The following L3MBTL4 variants were observed in gnomAD, a reference collection of about 807,000 sequenced individuals.
L3MBTL4 encodes L3MBTL histone methyl-lysine binding protein 4, also known as lethal(3)malignant brain tumor-like protein 4.
L3MBTL4 carries 70 observed loss-of-function variants against 84.5 expected under a neutral mutation model. The ratio of observed to expected loss-of-function variants is 0.83; its 90% CI spans 0.68 to 1.01. The LOEUF is 1.01. Among genes scored for constraint, L3MBTL4 ranks in the 50% least tolerant of loss-of-function variants. L3MBTL4 has a pLI of 0.00. For missense variants in L3MBTL4, 715 were observed against 754.8 expected (o/e 0.95, Z 0.62); for synonymous variants, 274 against 259.8 (o/e 1.05, Z -0.52).
At chr18:6,005,754 T>C (rs2054449112) in intron 16 of L3MBTL4, among the ~76,000 whole-genome samples, 1 of 152,210 alleles carries the variant, frequency 6.6e-6, no homozygotes, top group South Asian at 2.1e-4. Flanking sequence ...GGCATTTAGG[T>C]TGATTCCACA....
At chr18:6,311,510 G>T in intron 3 of L3MBTL4, 44 bp downstream of exon 3, 1 of 1,520,612 alleles carries the variant, frequency 6.6e-7, no homozygotes, top group Non-Finnish European at 9.1e-7. Context: ...CATTTTGGTA[G>T]CGATCACACA....
intron 1 of L3MBTL4, among the ~76,000 whole-genome samples, chr18:6,402,884 T>G (rs2055569518): frequency 6.6e-6 from 1 of 152,212 alleles, no homozygotes; most frequent in East Asian, 1.9e-4. Context: ...AATTTGCCCT[T>G]CAGCAAACCC....
chr18:6,211,443 A>G (rs1364848894), intron 12 of L3MBTL4, among the ~76,000 whole-genome samples: 1 of 152,204 alleles, frequency 6.6e-6, no homozygotes, highest in Non-Finnish European at 1.5e-5. Flanking sequence ...GAACAATATG[A>G]TCAACACGTT....
intron 13 of L3MBTL4, among the ~76,000 whole-genome samples, chr18:6,155,807 CA>C (rs1322511961): frequency 6.6e-6 from 1 of 151,996 alleles, no homozygotes; most frequent in Non-Finnish European, 1.5e-5. Context: ...GCTTAGAATG[CA>C]GAGTGAAATG....
At chr18:6,274,030 A>T (rs2048980587) in intron 4 of L3MBTL4, among the ~76,000 whole-genome samples, 1 of 152,266 alleles carries the variant, frequency 6.6e-6, no homozygotes, top group South Asian at 2.1e-4. Flanking sequence ...GGTGATTACA[A>T]TGCATGTTAA....
chr18:6,361,245 G>T (rs2053681552), intron 1 of L3MBTL4, among the ~76,000 whole-genome samples: 1 of 152,088 alleles, frequency 6.6e-6, no homozygotes, highest in South Asian at 2.1e-4. Flanking sequence ...AAAGAGCAGA[G>T]CCAAGACTCA....
In L3MBTL4 at chr18:6,303,167, C is replaced by T. The variant is rs192952697; in HGVS notation, c.73-1210G>A. Among the ~76,000 whole-genome samples, 691 of 151,906 alleles carry T rather than the reference C, an allele frequency of 4.5e-3. 8 individuals are homozygous for T. The highest frequency in any genetic ancestry group is 0.016 in the African/African-American group (644 of 41,430). ...TTGAGATGAAGTCTTGCTCTGTCAC[C>T]CAGGCTGTAGTTCAGTGGCACAATC... On this transcript the variant is annotated intron_variant, in intron 3 of 18. Coordinates refer to ENST00000317931, the MANE Select transcript of L3MBTL4 (RefSeq NM_001330559.2).
intron 10 of L3MBTL4, among the ~76,000 whole-genome samples, chr18:6,230,433 T>C (rs1391207226): frequency 1.3e-5 from 2 of 152,182 alleles, no homozygotes; most frequent in African/African-American, 4.8e-5. Flanking sequence ...GATGACTGTG[T>C]AGTATTCCAT....
At chr18:6,317,001 A>AAAATAAATAAATAAAT (rs143668018) in intron 1 of L3MBTL4, among the ~76,000 whole-genome samples, 19 of 151,098 alleles carry the variant, frequency 1.3e-4, no homozygotes, top group East Asian at 3.9e-4. Flanking sequence ...ATACTGGTAC[A>AAAATAAATAAATAAAT]AAATAAATAA....
chr18:6,253,629 T>C (rs1404275896), intron 5 of L3MBTL4, among the ~76,000 whole-genome samples: 1 of 152,252 alleles, frequency 6.6e-6, no homozygotes, highest in Non-Finnish European at 1.5e-5. Flanking sequence ...ATGGGAATGA[T>C]ATCTACCAAC....
intron 14 of L3MBTL4, among the ~76,000 whole-genome samples, chr18:6,099,966 A>G (rs1322844744): frequency 6.6e-6 from 1 of 152,150 alleles, no homozygotes; most frequent in East Asian, 1.9e-4. Context: ...CCTGGATATT[A>G]TAATCTTCTG....
chr18:6,232,018 T>A (rs1399077825), intron 10 of L3MBTL4, among the ~76,000 whole-genome samples: 1 of 152,144 alleles, frequency 6.6e-6, no homozygotes, highest in Non-Finnish European at 1.5e-5. Flanking sequence ...ATATTCCCTG[T>A]GGGTTTTCAT....
chr18:6,078,054 A>C (rs1350945064), intron 16 of L3MBTL4, among the ~76,000 whole-genome samples: 1 of 151,074 alleles, frequency 6.6e-6, no homozygotes, highest in African/African-American at 2.4e-5. Context: ...ATAAATAAAT[A>C]ATAAATAAAA....
intron 1 of L3MBTL4, among the ~76,000 whole-genome samples, chr18:6,388,448 C>G (rs2054912972): frequency 6.6e-6 from 1 of 152,132 alleles, no homozygotes; most frequent in African/African-American, 2.4e-5. Flanking sequence ...CATCATCACA[C>G]CATAAAATAT....
chr18:6,284,494 C>A (rs544983154), intron 4 of L3MBTL4, among the ~76,000 whole-genome samples: 87 of 152,328 alleles, frequency 5.7e-4, no homozygotes, highest in Non-Finnish European at 9.6e-4. Flanking sequence ...CTCAGCTCAG[C>A]CGGGCGAGGC....
At chr18:6,261,043 T>C (rs2048377202) in intron 5 of L3MBTL4, 1 of 152,236 alleles carries the variant, frequency 6.6e-6, no homozygotes, top group African/African-American at 2.4e-5. Flanking sequence ...GAATAATTGG[T>C]GAGCTTAATT....
intron 1 of L3MBTL4, chr18:6,326,598 T>C (rs1017191746): frequency 6.6e-6 from 1 of 152,056 alleles, no homozygotes; most frequent in Non-Finnish European, 1.5e-5. Flanking sequence ...ATAATTCCCA[T>C]AAAGGAAAGC....
intron 16 of L3MBTL4, among the ~76,000 whole-genome samples, chr18:6,012,637 C>A (rs909276227): frequency 6.7e-6 from 1 of 148,874 alleles, no homozygotes; most frequent in Non-Finnish European, 1.5e-5. Flanking sequence ...CCAGCCTGGG[C>A]AACATAGTGA....
intron 5 of L3MBTL4, chr18:6,258,534 G>C (rs1222587547): frequency 6.6e-6 from 1 of 152,398 alleles, no homozygotes; most frequent in Non-Finnish European, 1.5e-5. Context: ...AGCCAGGAGG[G>C]AGACAACAAA....
Sources: allele counts gnomAD v4.1 joint callset (sites outside exome capture counted in the v4.1 genomes callset), GRCh38; gene constraint gnomAD v4.1.1; transcripts MANE v1.5; gene names NCBI Gene and HGNC (gene_info 2026-07-23, HGNC 2026-07-21).